The following PSMC1 variants were observed in gnomAD, a reference collection of about 807,000 sequenced individuals.
PSMC1 encodes 26S proteasome regulatory subunit 4.
Under a neutral mutation model 49.8 loss-of-function variants are expected in PSMC1, and 5 were observed. The observed-to-expected ratio is 0.10, with a 90% CI of 0.05 to 0.21. The LOEUF is 0.21. PSMC1 is among the 10% of genes least tolerant of loss of function. The probability of loss-of-function intolerance (pLI) is 1.00; values close to 1 mark genes in which losing one functional copy is unlikely to be tolerated. For synonymous variants in PSMC1, 155 were observed against 192.1 expected (o/e 0.81, Z 1.60); for missense variants, 181 against 535.7 (o/e 0.34, Z 6.54).
rs866885663 is a variant in PSMC1 at position 90,260,588 on chromosome 14, T to C, written c.154+377T>C. Among the ~76,000 whole-genome samples, 26 of 152,124 alleles carry C rather than the reference T, an allele frequency of 1.7e-4. 1 individual carries two copies. The highest frequency in any genetic ancestry group is 5.3e-4 in the African/African-American group (22 of 41,506). ...TCCACTAAAAATACAAAGAATTAGC[T>C]GGGCGTGGTGGCGGGTGCCTGTAGT... On this transcript the variant is annotated intron_variant, in intron 3 of 10. Transcript: ENST00000261303.
chr14:90,271,410 A>G lies in PSMC1; in HGVS notation c.1189-863A>G, dbSNP rs1464225184. 8 of 152,350 alleles carry G rather than the reference A, an allele frequency of 5.3e-5. No homozygotes were observed. In the East Asian group the frequency reaches 5.8e-4, roughly 11 times the overall value. The allele number at this position is 152,350 out of a possible 1,614,324, so 9.4% of individuals were successfully genotyped here. ...TTCTAAACAGATCAGGCCTAAAACA[A>G]TAACAGTAACCCATGTAACATGGGT... On this transcript the variant is annotated intron_variant, in intron 10 of 10. Transcript: ENST00000261303.
chr14:90,264,239 A>AG, intron 6 of PSMC1, 70 bp downstream of exon 6: 2 of 1,585,252 alleles, frequency 1.3e-6, no homozygotes, highest in Non-Finnish European at 1.7e-6. Context: ...GATACTTTGC[A>AG]GGTGTTTTGT....
chr14:90,270,440 C>T (rs1595046381), intron 10 of PSMC1, 88 bp downstream of exon 10: 1 of 1,423,636 alleles, frequency 7.0e-7, no homozygotes, highest in East Asian at 2.4e-5. Context: ...TGGTGGTTGG[C>T]CTGGACAGGT....
In PSMC1 at chr14:90,272,116, A is replaced by G; in HGVS notation, c.1189-157A>G. The G allele has an allele frequency of 1.6e-6, 1 of 642,080 alleles. No individual in the cohort carries two copies. The highest frequency in any genetic ancestry group is 4.8e-4 in the Middle Eastern group (1 of 2,082). 39.8% of individuals were successfully genotyped at this position (642,080 alleles called of 1,614,324 possible). A position where few individuals can be genotyped will look rare whatever the true frequency, so the allele number is the denominator to read the frequency against. Reference sequence around the variant, plus strand: ...ACCGTGTTGGCCAGGCTGGTCTTGAACTCCTGACCTTAGGCGATCCACCTG... The same window carrying G: ...ACCGTGTTGGCCAGGCTGGTCTTGAGCTCCTGACCTTAGGCGATCCACCTG... On this transcript the variant is annotated intron_variant, in intron 10 of 10. Transcript: ENST00000261303. The surrounding 1 kb of genome is among the most constrained non-coding windows in gnomAD (Gnocchi z 4.5).
chr14:90,262,221 A>C (rs914210858), intron 3 of PSMC1, among the ~76,000 whole-genome samples: 2 of 150,392 alleles, frequency 1.3e-5, no homozygotes, highest in Admixed American at 1.3e-4. Context: ...TGAGTGCAGC[A>C]CACCAACATG....
chr14:90,259,459 TTAAAG>T (rs1463908846), intron 2 of PSMC1, among the ~76,000 whole-genome samples: 7 of 152,224 alleles, frequency 4.6e-5, no homozygotes, highest in Non-Finnish European at 1.0e-4. Context: ...TATAGAAGTA[TTAAAG>T]TAAATTGCCT....
At chr14:90,260,048 G>C in intron 2 of PSMC1, 67 bp from the exon 3 acceptor site, 1 of 983,348 alleles carries the variant, frequency 1.0e-6, no homozygotes, top group Admixed American at 2.5e-5. Context: ...TGGTGGTACA[G>C]AAATAAATGT....
At chr14:90,270,405 A>G in intron 10 of PSMC1, 53 bp downstream of exon 10, 1 of 1,575,620 alleles carries the variant, frequency 6.3e-7, no homozygotes, top group Non-Finnish European at 8.6e-7. Context: ...GTCAATCAGG[A>G]AAGAGTCTAT....
chr14:90,265,519 T>C (rs187730421), intron 7 of PSMC1, among the ~76,000 whole-genome samples: 219 of 151,780 alleles, frequency 1.4e-3, no homozygotes, highest in African/African-American at 5.2e-3. Context: ...TGAAACCCCG[T>C]CTCTACTAAA....
chr14:90,262,213 A>G (rs11623239), intron 3 of PSMC1, among the ~76,000 whole-genome samples: 74,911 of 140,054 alleles, frequency 0.53, 20,891 homozygotes, highest in Middle Eastern at 0.71. Flanking sequence ...CGAGTTAATG[A>G]GTGCAGCACA....
Position 90,263,867 on chromosome 14 carries a change from C to G in PSMC1, c.465+20C>G. 1.2e-6 allele frequency: 2 copies of G among 1,613,540 alleles called. No homozygotes were observed. Among genetic ancestry groups the G allele is most frequent in the Non-Finnish European group, 1.7e-6 (2 of 1,179,546 alleles). ...CACAAGGTGAGGTGATAGTCTTTTT[C>G]AGAAAGCCCACGGAAGTGCTTTCTC... On this transcript the variant is annotated intron_variant, in intron 5 of 10. Coordinates refer to ENST00000261303, the MANE Select transcript of PSMC1 (RefSeq NM_002802.3).
At chr14:90,257,640 G>T (rs1285340090) in intron 1 of PSMC1, among the ~76,000 whole-genome samples, 1 of 152,058 alleles carries the variant, frequency 6.6e-6, no homozygotes, top group Non-Finnish European at 1.5e-5. Context: ...ACGGAGTCTT[G>T]GTCTGTCGTC....
In PSMC1 at chr14:90,270,372, A is replaced by G; in HGVS notation, c.1188+20A>G. The G allele has an allele frequency of 6.2e-7, 1 of 1,605,014 alleles. No individual in the cohort carries two copies. The highest frequency in any genetic ancestry group is 8.5e-7 in the Non-Finnish European group (1 of 1,175,584). On this transcript the variant is annotated intron_variant, in intron 10 of 10. Coordinates refer to ENST00000261303, the MANE Select transcript of PSMC1 (RefSeq NM_002802.3). ...ATCAAGGTGAGAGCCTAGCCGTGTC[A>G]GCTTATTTCTGGGAATGTGGCCGTC...
intron 10 of PSMC1, chr14:90,271,529 T>C (rs975819995): frequency 6.6e-6 from 1 of 152,218 alleles, no homozygotes; most frequent in African/African-American, 2.4e-5. Flanking sequence ...ATAGTATAGA[T>C]ACTGCCACTT....
At chr14:90,260,243 C>A in intron 3 of PSMC1, 32 bp downstream of exon 3, 1 of 1,491,302 alleles carries the variant, frequency 6.7e-7, no homozygotes, top group Non-Finnish European at 9.3e-7. Flanking sequence ...GCCATCTTTC[C>A]AGTTCTTAGG....
At chr14:90,264,554 C>T (rs1411412377) in intron 6 of PSMC1, among the ~76,000 whole-genome samples, 1 of 152,188 alleles carries the variant, frequency 6.6e-6, no homozygotes, top group African/African-American at 2.4e-5. Context: ...ATCCCAGTGC[C>T]TTCAGCAGCC....
At chr14:90,268,203 T>A (rs561021969) in intron 7 of PSMC1, 21 bp from the exon 8 acceptor site, 130 of 1,543,448 alleles carry the variant, frequency 8.4e-5, no homozygotes, top group African/African-American at 6.3e-4. Flanking sequence ...TTTTTTTTTT[T>A]ATCTTTTTCA....
intron 10 of PSMC1, 62 bp downstream of exon 10, chr14:90,270,414 A>C (rs1194654309): frequency 1.9e-6 from 3 of 1,542,834 alleles, no homozygotes; most frequent in South Asian, 1.2e-5. Context: ...GAAAGAGTCT[A>C]TATGTGCTCT....
chr14:90,268,023 C>T (rs1382603926), intron 7 of PSMC1: 2 of 488,434 alleles, frequency 4.1e-6, no homozygotes, highest in South Asian at 3.7e-5. Context: ...AAGGATAATC[C>T]AAACATGTTA....
Sources: allele counts gnomAD v4.1 joint callset (sites outside exome capture counted in the v4.1 genomes callset), GRCh38; gene constraint gnomAD v4.1.1; non-coding constraint Gnocchi (gnomAD v3.1); transcripts MANE v1.5; gene names NCBI Gene and HGNC (gene_info 2026-07-23, HGNC 2026-07-21).